STXBP5L: variants seen among roughly 807,000 people sequenced by gnomAD.
STXBP5L encodes syntaxin-binding protein 5-like.
In STXBP5L, 65 loss-of-function variants were observed where a neutral mutation model predicts 144.5. The observed-to-expected ratio is 0.45, with a 90% CI of 0.37 to 0.55. The LOEUF (loss-of-function observed/expected upper bound fraction) is 0.55, where lower values mean the gene tolerates loss of function less well. Ranked by LOEUF, STXBP5L falls within the 20% of genes least tolerant of loss-of-function variation. STXBP5L has a pLI of 0.00. For synonymous variants in STXBP5L, 505 were observed against 469.6 expected, an observed-to-expected ratio of 1.08 and a Z score of -0.97; for missense variants, 1,298 against 1,405.5, an observed-to-expected ratio of 0.92 and a Z score of 1.22.
chr3:121,126,719 A>C (rs780099760), intron 7 of STXBP5L, among the ~76,000 whole-genome samples: 1 of 152,206 alleles, frequency 6.6e-6, no homozygotes, highest in Admixed American at 6.6e-5. Flanking sequence ...GCTTAAAACA[A>C]AACAATTTAT....
intron 5 of STXBP5L, among the ~76,000 whole-genome samples, chr3:121,111,952 C>A (rs1341412184): frequency 6.6e-6 from 1 of 152,044 alleles, no homozygotes. Context: ...GCAGAGAGGC[C>A]CCCATCCAGT....
At chr3:121,342,677 C>T (rs1369143338) in intron 20 of STXBP5L, among the ~76,000 whole-genome samples, 1 of 151,648 alleles carries the variant, frequency 6.6e-6, no homozygotes, top group Non-Finnish European at 1.5e-5. Flanking sequence ...GACATGAACT[C>T]ATCATTTTTT....
intron 5 of STXBP5L, among the ~76,000 whole-genome samples, chr3:121,095,115 C>A (rs998738993): frequency 8.5e-5 from 13 of 152,078 alleles, no homozygotes; most frequent in Non-Finnish European, 1.8e-4. Context: ...AATATTGGCC[C>A]CCAGTGTCTT....
chr3:121,037,638 T>G (rs1946854711), intron 3 of STXBP5L, among the ~76,000 whole-genome samples: 1 of 152,170 alleles, frequency 6.6e-6, no homozygotes, highest in Admixed American at 6.6e-5. Context: ...TGATATAGTT[T>G]GTCATGATTT....
chr3:121,285,222 G>A (rs1045422487), intron 19 of STXBP5L, among the ~76,000 whole-genome samples: 6 of 151,904 alleles, frequency 3.9e-5, no homozygotes, highest in Admixed American at 6.6e-5. Flanking sequence ...ATAACCCTTT[G>A]AGGCAGATTG....
At chr3:121,144,407 A>G (rs973045460) in intron 7 of STXBP5L, among the ~76,000 whole-genome samples, 2 of 151,882 alleles carry the variant, frequency 1.3e-5, no homozygotes, top group Non-Finnish European at 2.9e-5. Flanking sequence ...CATTAGAGAA[A>G]CGCAAATCAA....
At chr3:121,320,178 ACTTT>A (rs1238511516) in intron 20 of STXBP5L, among the ~76,000 whole-genome samples, 2 of 152,078 alleles carry the variant, frequency 1.3e-5, no homozygotes, top group East Asian at 1.9e-4. Context: ...ATGTGTGTCT[ACTTT>A]CTTTCGGTAA....
At chr3:121,093,933 A>C (rs1258907191) in intron 5 of STXBP5L, among the ~76,000 whole-genome samples, 1 of 150,528 alleles carries the variant, frequency 6.6e-6, no homozygotes, top group Non-Finnish European at 1.5e-5. Context: ...CCCTCTACAC[A>C]CTGCTTTAAA....
chr3:121,042,605 A>G (rs575083947), intron 4 of STXBP5L, among the ~76,000 whole-genome samples: 2 of 152,172 alleles, frequency 1.3e-5, no homozygotes, highest in South Asian at 4.1e-4. Context: ...CAGTGTCTGC[A>G]TATATTTGCA....
intron 3 of STXBP5L, among the ~76,000 whole-genome samples, chr3:121,039,384 A>G (rs951870653): frequency 1.3e-5 from 2 of 151,496 alleles, no homozygotes; most frequent in Non-Finnish European, 3.0e-5. Flanking sequence ...TTCCCCTCCT[A>G]TTGGCCTTTG....
intron 6 of STXBP5L, among the ~76,000 whole-genome samples, chr3:121,117,402 A>G (rs1001020684): frequency 6.6e-6 from 1 of 151,824 alleles, no homozygotes; most frequent in Admixed American, 6.6e-5. Flanking sequence ...TTCCAAAAAT[A>G]TGTTCCATAG....
At chr3:121,285,685 G>A (rs185248494) in intron 19 of STXBP5L, among the ~76,000 whole-genome samples, 2 of 152,132 alleles carry the variant, frequency 1.3e-5, no homozygotes, top group African/African-American at 4.8e-5. Flanking sequence ...GCAGACATCT[G>A]ATCAGAAGAT....
At position 121,244,450 on chromosome 3, in the gene STXBP5L, G is replaced by GGA. The variant is rs149406621; in HGVS notation, c.1400+3958_1400+3959dup. On this transcript the variant is annotated intron_variant, in intron 14 of 26. Transcript: ENST00000471454. ...ATTATGGGAATTTAAGAAGGGGCGG[G>GGA]GAGAGAGAGAGAGAGACAGAGAGAG... Among the ~76,000 whole-genome samples, 164 of 150,412 alleles carry GGA rather than the reference G, an allele frequency of 1.1e-3. 1 individual carries two copies. Among genetic ancestry groups the GGA allele is most frequent in the African/African-American group, 3.7e-3 (152 of 41,118 alleles).
intron 25 of STXBP5L, among the ~76,000 whole-genome samples, chr3:121,416,495 ATTTATTTATTT>A (rs747949944): frequency 4.7e-5 from 5 of 107,520 alleles, no homozygotes; most frequent in South Asian, 2.9e-4. Flanking sequence ...TTATTTATTT[ATTTATTTATTT>A]ATTATTTATT....
intron 5 of STXBP5L, among the ~76,000 whole-genome samples, chr3:121,096,529 G>T (rs1212942449): frequency 1.3e-5 from 2 of 152,150 alleles, no homozygotes; most frequent in Non-Finnish European, 2.9e-5. Flanking sequence ...GTTACCTTCT[G>T]ATGGGGTCTT....
chr3:121,191,844 G>T (rs2047698659), intron 9 of STXBP5L, among the ~76,000 whole-genome samples: 1 of 151,698 alleles, frequency 6.6e-6, no homozygotes, highest in African/African-American at 2.4e-5. Context: ...ATTATTGCAA[G>T]GACAGAAAAC....
intron 23 of STXBP5L, among the ~76,000 whole-genome samples, chr3:121,412,616 AAAGTTT>A (rs985679705): frequency 3.3e-5 from 5 of 151,826 alleles, no homozygotes; most frequent in African/African-American, 1.2e-4. Context: ...ATTATCTCTT[AAAGTTT>A]AAGTGGTTTA....
chr3:121,112,120 C>G (rs1174503997), intron 5 of STXBP5L, among the ~76,000 whole-genome samples: 3 of 152,042 alleles, frequency 2.0e-5, no homozygotes, highest in Non-Finnish European at 4.4e-5. Context: ...GCATTTATGG[C>G]TGCCACCCCT....
At chr3:121,267,818 A>T (rs187038744) in intron 18 of STXBP5L, among the ~76,000 whole-genome samples, 5 of 152,230 alleles carry the variant, frequency 3.3e-5, no homozygotes, top group African/African-American at 7.2e-5. Context: ...GCTCATCATC[A>T]CTGGTCATTA....
Sources: allele counts gnomAD v4.1 joint callset (sites outside exome capture counted in the v4.1 genomes callset), GRCh38; gene constraint gnomAD v4.1.1; transcripts MANE v1.5; gene names NCBI Gene and HGNC (gene_info 2026-07-23, HGNC 2026-07-21).